Variants in MYB observed in about 807,000 individuals in gnomAD.
MYB encodes MYB proto-oncogene, transcription factor.
Under a neutral mutation model 92.9 loss-of-function variants are expected in MYB, and 28 were observed. That is an observed-to-expected ratio of 0.30 (90% CI 0.22 to 0.41). The LOEUF (loss-of-function observed/expected upper bound fraction) is 0.41, where lower values mean the gene tolerates loss of function less well. Ranked by LOEUF, MYB falls within the 10% of genes least tolerant of loss-of-function variation. The pLI is 1.00. For missense variants in MYB, 679 were observed against 929.3 expected, an observed-to-expected ratio of 0.73 and a Z score of 3.50; for synonymous variants, 295 against 329.1, an observed-to-expected ratio of 0.90 and a Z score of 1.12.
chr6:135,203,152 T>A (rs975488826), intron 14 of MYB, 65 bp from the exon 15 acceptor site: 1 of 1,178,566 alleles, frequency 8.5e-7, no homozygotes, highest in Non-Finnish European at 1.3e-6. Context: ...TCCACAGTGT[T>A]AGAAAAATGT....
intron 1 of MYB, among the ~76,000 whole-genome samples, chr6:135,183,670 G>C (rs1775490638): frequency 6.6e-6 from 1 of 152,220 alleles, no homozygotes; most frequent in Admixed American, 6.5e-5. Context: ...GGCCAGCCTG[G>C]CAGGGAAACT....
At chr6:135,207,023 A>G (rs1432452433) in intron 15 of MYB, among the ~76,000 whole-genome samples, 1 of 152,182 alleles carries the variant, frequency 6.6e-6, no homozygotes, top group Non-Finnish European at 1.5e-5. Flanking sequence ...TTTTTATGCA[A>G]TTTGGTAATT....
In MYB at chr6:135,182,937, G is replaced by C. The variant is rs537402934; in HGVS notation, c.23+1401G>C. Among the ~76,000 whole-genome samples, 1 of 151,978 alleles carries C rather than the reference G, an allele frequency of 6.6e-6. No individual in the cohort carries two copies. The highest frequency in any genetic ancestry group is 6.5e-5 in the Admixed American group (1 of 15,276). On this transcript the variant is annotated intron_variant, in intron 1 of 15. Coordinates refer to ENST00000341911, the MANE Select transcript of MYB (RefSeq NM_001130173.2). The surrounding 1 kb of genome is among the most constrained non-coding windows in gnomAD (Gnocchi z 5.6). ...ACTCCGGAGCCTGGCCGCGCAGGAC[G>C]GTGTGCTGCCCCTCGAGGGCTCCAC...
chr6:135,197,022 C>T lies in MYB; in HGVS notation c.1265C>T (p.Pro422Leu). 1.2e-6 allele frequency: 2 copies of T among 1,613,898 alleles called. No individual in the cohort carries two copies. Among genetic ancestry groups the T allele is most frequent in the South Asian group, 1.1e-5 (1 of 91,064 alleles). The change falls in exon 10 of 16, where the codon CCT (proline) becomes CTT (leucine). Residue 422 changes from proline (P) to leucine (L), a missense_variant. By Grantham distance (98) the Pro-to-Leu change is moderately conservative. Transcript: ENST00000341911. ...FEFFEEADFSPSQHHTGKALQ... is the reference protein window; with the variant it reads ...FEFFEEADFSLSQHHTGKALQ... ...TTCTTTGAAGAAGCAGATTTTTCAC[C>T]TAGCCAACATCACACAGGCAAAGCC...
intron 1 of MYB, among the ~76,000 whole-genome samples, chr6:135,183,554 C>G (rs1775472234): frequency 6.6e-6 from 1 of 152,148 alleles, no homozygotes; most frequent in African/African-American, 2.4e-5. Context: ...CTTGTCAGAG[C>G]AGATAAAGGA....
At position 135,181,428 on chromosome 6, in the gene MYB, GGGAC is replaced by G; in HGVS notation, c.-84_-81del. The stretch of plus-strand genomic sequence containing the variant: ...CGGAGCGCCGCTGCGCAGCCGGGGA[GGGAC>G]GCAGGCAGGCGGCGGGCAGCGGGAG... On this transcript the variant is annotated 5_prime_UTR_variant, in exon 1 of 16. Coordinates refer to ENST00000341911, the MANE Select transcript of MYB (RefSeq NM_001130173.2). The surrounding 1 kb of genome is among the most constrained non-coding windows in gnomAD (Gnocchi z 5.3). The G allele has an allele frequency of 1.0e-6, 1 of 967,110 alleles. No homozygotes were observed. The highest frequency in any genetic ancestry group is 1.3e-6 in the Non-Finnish European group (1 of 779,144). 59.9% of individuals were successfully genotyped at this position (967,110 alleles called of 1,614,324 possible). A position where few individuals can be genotyped will look rare whatever the true frequency, so the allele number is the denominator to read the frequency against.
Position 135,190,826 on chromosome 6 carries a change from T to C in MYB, c.527+479T>C, listed in dbSNP as rs141414191. 6.6e-6 allele frequency among the ~76,000 whole-genome samples: 1 copy of C among 152,318 alleles called. No homozygotes were observed. Among genetic ancestry groups the C allele is most frequent in the Non-Finnish European group, 1.5e-5 (1 of 68,022 alleles). ...TTATTTTTTAGAGACAGAGGCTTGT[T>C]CTGTCACACATGAGTGACAGAGTGC... On this transcript the variant is annotated intron_variant, in intron 5 of 15. Transcript: ENST00000341911. The surrounding 1 kb of genome is among the most constrained non-coding windows in gnomAD (Gnocchi z 4.5).
In MYB at chr6:135,181,685, A is replaced by C. The variant is rs549853161; in HGVS notation, c.23+149A>C. The C allele has an allele frequency of 1.8e-4, 68 of 369,228 alleles. 1 individual carries two copies. The South Asian group carries it at 4.5e-3, about 25-fold the overall frequency. 22.9% of individuals were successfully genotyped at this position (369,228 alleles called of 1,614,324 possible). A position where few individuals can be genotyped will look rare whatever the true frequency, so the allele number is the denominator to read the frequency against. On this transcript the variant is annotated intron_variant, in intron 1 of 15. Transcript: ENST00000341911. The surrounding 1 kb of genome is among the most constrained non-coding windows in gnomAD (Gnocchi z 5.3). ...GACCTGGAGCCCCTGCCTCGGCAGC[A>C]GAAGCCGCTCCAGAGACTGATGAAT...
At position 135,201,819 on chromosome 6, in the gene MYB, A is replaced by G. The variant is rs1180116982; in HGVS notation, c.2061+70A>G. 4.5e-6 allele frequency: 4 copies of G among 880,232 alleles called. No homozygotes were observed. In the African/African-American group the frequency reaches 5.2e-5, roughly 11 times the overall value. The allele number at this position is 880,232 out of a possible 1,614,324, so 54.5% of individuals were successfully genotyped here. A position where few individuals can be genotyped will look rare whatever the true frequency, so the allele number is the denominator to read the frequency against. The stretch of plus-strand genomic sequence containing the variant: ...TGCCTCATGAAATCCTGTGTGTGGC[A>G]TAGGGCTGCTGCGGTTTCAGCACTC... On this transcript the variant is annotated intron_variant, in intron 14 of 15. Coordinates refer to ENST00000341911, the MANE Select transcript of MYB (RefSeq NM_001130173.2).
chr6:135,196,195 G>T (rs2128296705), intron 9 of MYB, among the ~76,000 whole-genome samples, 193 bp downstream of exon 9: 1 of 151,802 alleles, frequency 6.6e-6, no homozygotes, highest in African/African-American at 2.4e-5. Flanking sequence ...AGAGACAAAA[G>T]TATTTATAAA....
At chr6:135,195,307 G>A (rs750761921) in intron 8 of MYB, 5 of 296,204 alleles carry the variant, frequency 1.7e-5, no homozygotes, top group Non-Finnish European at 2.6e-5. Context: ...GAAAGGGATA[G>A]AAGCAACAAG....
intron 6 of MYB, 79 bp from the exon 7 acceptor site, chr6:135,193,759 C>A: frequency 1.1e-6 from 1 of 925,088 alleles, no homozygotes; most frequent in Non-Finnish European, 1.7e-6. Flanking sequence ...AGTCCCAGAA[C>A]GAAACCTCAG....
In MYB at chr6:135,200,123, G is replaced by A; in HGVS notation, c.1748G>A (p.Ser583Asn). The A allele has an allele frequency of 6.2e-7, 1 of 1,614,130 alleles. No individual in the cohort carries two copies. The highest frequency in any genetic ancestry group is 8.5e-7 in the Non-Finnish European group (1 of 1,180,016). The change falls in exon 12 of 16, where the codon AGC becomes AAC. Residue 583 changes from serine to asparagine, a missense_variant. Coordinates refer to ENST00000341911, the MANE Select transcript of MYB (RefSeq NM_001130173.2). ...GCTATCAAAAGGTCAATCTTAGAAA[G>A]CTCTCCAAGAACTCCTACACCATTC... Reference protein sequence around the residue: ...TPAIKRSILESSPRTPTPFKH... With the variant: ...TPAIKRSILENSPRTPTPFKH...
In MYB at chr6:135,182,391, G is replaced by T. The variant is rs952553811; in HGVS notation, c.23+855G>T. 6.6e-6 allele frequency among the ~76,000 whole-genome samples: 1 copy of T among 152,194 alleles called. No homozygotes were observed. The highest frequency in any genetic ancestry group is 1.5e-5 in the Non-Finnish European group (1 of 68,020). On this transcript the variant is annotated intron_variant, in intron 1 of 15. Transcript: ENST00000341911. This position sits in a 1 kb window ranked among gnomAD's most constrained non-coding sequence, Gnocchi z 5.6. The stretch of plus-strand genomic sequence containing the variant: ...CTGGACTTTCCCAGCAGCACACGCC[G>T]GGGCTCCCTGCGAGCGGCGGGTGCC...
Position 135,185,891 on chromosome 6 carries a change from T to C in MYB, c.24-12T>C. 6.2e-7 allele frequency: 1 copy of C among 1,605,626 alleles called. No homozygotes were observed. Among genetic ancestry groups the C allele is most frequent in the Non-Finnish European group, 8.5e-7 (1 of 1,172,506 alleles). On this transcript the variant is annotated splice_polypyrimidine_tract_variant and intron_variant, in intron 1 of 15. Transcript: ENST00000341911. ...TGTTTCAGCCCACGTCTACCCATTC[T>C]TATTTCTGCAGCATATATAGCAGTG...
Position 135,203,018 on chromosome 6 carries a change from T to C in MYB, c.2062-199T>C. On this transcript the variant is annotated intron_variant, in intron 14 of 15. Coordinates refer to ENST00000341911, the MANE Select transcript of MYB (RefSeq NM_001130173.2). Reference sequence around the variant, plus strand: ...AAGGAGCTTTGTGTTGTGGTGATGTTTGCCACAATGGGATTAAGGTTCAGA... The same window carrying C: ...AAGGAGCTTTGTGTTGTGGTGATGTCTGCCACAATGGGATTAAGGTTCAGA... 4 of 703,088 alleles carry C rather than the reference T, an allele frequency of 5.7e-6. No individual in the cohort carries two copies. In the Admixed American group the frequency reaches 8.0e-5, roughly 14 times the overall value. The allele number at this position is 703,088 out of a possible 1,614,324, so 43.6% of individuals were successfully genotyped here.
intron 2 of MYB, 80 bp downstream of exon 2, chr6:135,186,100 G>C (rs1460885642): frequency 5.0e-6 from 6 of 1,205,562 alleles, no homozygotes; most frequent in Admixed American, 3.8e-5. Context: ...CTAAACTACA[G>C]GTGCTCAAGC....
intron 11 of MYB, chr6:135,199,418 T>A (rs1777765718): frequency 3.2e-6 from 1 of 317,024 alleles, no homozygotes; most frequent in Non-Finnish European, 4.9e-6. Context: ...AGAACGAGTA[T>A]GGTTTCTTAC....
intron 15 of MYB, among the ~76,000 whole-genome samples, chr6:135,215,171 T>A (rs1780266614): frequency 6.6e-6 from 1 of 152,158 alleles, no homozygotes; most frequent in African/African-American, 2.4e-5. Flanking sequence ...CTGCAAACCC[T>A]ATGTCAGGAA....
Sources: gnomAD v4.1 joint callset for allele counts (sites outside exome capture counted in the v4.1 genomes callset) on GRCh38, gnomAD v4.1.1 for gene constraint, Gnocchi (gnomAD v3.1) non-coding constraint, MANE v1.5 for transcripts, NCBI Gene and HGNC (gene_info 2026-07-23, HGNC 2026-07-21) for gene names.